Variants in ERC1 observed in about 807,000 individuals in gnomAD.
ERC1 encodes RAB6 interacting protein 2.
ERC1 carries 56 observed loss-of-function variants against 132.0 expected under a neutral mutation model. The ratio of observed to expected loss-of-function variants is 0.42; its 90% CI spans 0.34 to 0.53. ERC1 has a LOEUF of 0.53. Ranked by LOEUF, ERC1 falls within the 20% of genes least tolerant of loss-of-function variation. ERC1 has a pLI of 0.03. For synonymous variants in ERC1, 478 were observed against 476.1 expected (o/e 1.00, Z -0.05); for missense variants, 1,202 against 1,349.9 (o/e 0.89, Z 1.72).
intron 14 of ERC1, among the ~76,000 whole-genome samples, chr12:1,274,648 A>C (rs2078131463): frequency 6.6e-6 from 1 of 151,874 alleles, no homozygotes. Context: ...ATGCATCACC[A>C]CACCCGGCTA....
At chr12:1,379,270 A>C (rs941095872) in intron 16 of ERC1, among the ~76,000 whole-genome samples, 1 of 152,186 alleles carries the variant, frequency 6.6e-6, no homozygotes, top group Non-Finnish European at 1.5e-5. Flanking sequence ...GAGTTCATTC[A>C]GTACATTCTC....
chr12:1,451,630 A>G (rs2093427274), intron 18 of ERC1, among the ~76,000 whole-genome samples: 1 of 152,190 alleles, frequency 6.6e-6, no homozygotes, highest in Non-Finnish European at 1.5e-5. Flanking sequence ...GTCTCAGAAA[A>G]TTAAAAATAA....
chr12:1,351,266 G>A (rs1244561752), intron 15 of ERC1, among the ~76,000 whole-genome samples: 6 of 152,084 alleles, frequency 3.9e-5, no homozygotes, highest in Non-Finnish European at 2.9e-5. Flanking sequence ...TTTTCTCTTC[G>A]ATTTATTTCT....
intron 12 of ERC1, among the ~76,000 whole-genome samples, chr12:1,198,589 G>T (rs1956563853): frequency 6.6e-6 from 1 of 152,122 alleles, no homozygotes. Flanking sequence ...ATACCTCATT[G>T]TATTAGTTCG....
intron 3 of ERC1, among the ~76,000 whole-genome samples, chr12:1,100,370 A>G (rs190353869): frequency 1.3e-5 from 2 of 152,284 alleles, no homozygotes; most frequent in East Asian, 3.9e-4. Context: ...GGTCAGCATA[A>G]GGACTGTGAC....
chr12:1,307,384 TTTG>T (rs1303378908), intron 15 of ERC1, among the ~76,000 whole-genome samples: 1 of 152,040 alleles, frequency 6.6e-6, no homozygotes, highest in African/African-American at 2.4e-5. Context: ...AGGTGAGGTG[TTTG>T]TTGTTTATTA....
At chr12:1,263,249 CATAT>C in intron 14 of ERC1, 84 bp downstream of exon 14, 5 of 1,373,718 alleles carry the variant, frequency 3.6e-6, no homozygotes, top group Non-Finnish European at 4.1e-6. Context: ...GTAAACTATA[CATAT>C]TGTATGTTTA....
chr12:1,320,562 G>A (rs1365517324), intron 15 of ERC1, among the ~76,000 whole-genome samples: 1 of 150,954 alleles, frequency 6.6e-6, no homozygotes, highest in African/African-American at 2.5e-5. Flanking sequence ...TAACAAATTT[G>A]TAATGCAGAA....
At chr12:1,422,567 A>G (rs967292469) in intron 17 of ERC1, among the ~76,000 whole-genome samples, 2 of 152,060 alleles carry the variant, frequency 1.3e-5, no homozygotes, top group African/African-American at 2.4e-5. Context: ...ATTGCATTGT[A>G]TAGATATTTG....
At chr12:1,000,502 AT>A (rs1199886848) in intron 1 of ERC1, among the ~76,000 whole-genome samples, 22 of 151,918 alleles carry the variant, frequency 1.4e-4, no homozygotes, top group African/African-American at 3.9e-4. Context: ...AAAAAAAAAA[AT>A]AACCCAATGG....
At chr12:1,241,847 CTTTTTTTTTTTTTTTT>C (rs57016547) in intron 13 of ERC1, among the ~76,000 whole-genome samples, 2 of 80,490 alleles carry the variant, frequency 2.5e-5, no homozygotes, top group African/African-American at 5.2e-5. Context: ...TCTTCTTCTT[CTTTTTTTTTTTTTTTT>C]TTTTTTTTTT....
chr12:1,226,445 C>T, intron 12 of ERC1, among the ~76,000 whole-genome samples: 1 of 152,206 alleles, frequency 6.6e-6, no homozygotes, highest in Non-Finnish European at 1.5e-5. Flanking sequence ...CCCTTAAGAT[C>T]TGCTCTTAGC....
chr12:1,280,080 T>C (rs1006665059), intron 14 of ERC1, among the ~76,000 whole-genome samples: 1 of 152,322 alleles, frequency 6.6e-6, no homozygotes, highest in African/African-American at 2.4e-5. Flanking sequence ...GTGGTGGATC[T>C]ATACCAAGGG....
intron 18 of ERC1, among the ~76,000 whole-genome samples, chr12:1,450,543 A>C (rs1244600350): frequency 1.3e-5 from 2 of 152,184 alleles, no homozygotes; most frequent in African/African-American, 2.4e-5. Flanking sequence ...TCATTCCTCC[A>C]TTGATGAACA....
rs59708005 is a variant in ERC1 at position 1,493,540 on chromosome 12, A to ATAT, written c.*3310_*3311insTAT. 2 of 22,392 alleles carry ATAT rather than the reference A, an allele frequency of 8.9e-5. No individual in the cohort carries two copies. Among genetic ancestry groups the ATAT allele is most frequent in the African/African-American group, 2.4e-4 (2 of 8,290 alleles). The allele number at this position is 22,392 out of a possible 1,614,324, so 1.4% of individuals were successfully genotyped here. ...TGACAGAGACTCCATTTAAAAAAAA[A>ATAT]AAAAAAAAATATATATATATATATA... is the stretch of plus-strand genomic sequence containing the variant. On this transcript the variant is annotated 3_prime_UTR_variant, in exon 19 of 19. Transcript: ENST00000360905.
At chr12:1,162,586 C>G (rs1349438322) in intron 8 of ERC1, among the ~76,000 whole-genome samples, 1 of 150,788 alleles carries the variant, frequency 6.6e-6, no homozygotes, top group Non-Finnish European at 1.5e-5. Flanking sequence ...CGTTTGTTTT[C>G]TGTGAAGTCT....
At chr12:1,290,730 C>T (rs1285346090) in intron 15 of ERC1, among the ~76,000 whole-genome samples, 1 of 148,824 alleles carries the variant, frequency 6.7e-6, no homozygotes, top group Non-Finnish European at 1.5e-5. Flanking sequence ...TGCTATTTTA[C>T]TGAAACCAGG....
chr12:1,442,370 A>G (rs1330509550), intron 17 of ERC1, among the ~76,000 whole-genome samples: 1 of 152,224 alleles, frequency 6.6e-6, no homozygotes, highest in Non-Finnish European at 1.5e-5. Context: ...CTGTGTTGAC[A>G]TGCCTGTCAT....
chr12:1,359,479 G>C (rs1248191683), intron 15 of ERC1, among the ~76,000 whole-genome samples: 1 of 152,090 alleles, frequency 6.6e-6, no homozygotes, highest in Non-Finnish European at 1.5e-5. Flanking sequence ...GCAAGGAACC[G>C]ACACCTGGCA....
Sources: gnomAD v4.1 joint callset for allele counts (sites outside exome capture counted in the v4.1 genomes callset) on GRCh38, gnomAD v4.1.1 for gene constraint, MANE v1.5 for transcripts, NCBI Gene and HGNC (gene_info 2026-07-23, HGNC 2026-07-21) for gene names.